ANK2: variants seen among roughly 807,000 people sequenced by gnomAD.
ANK2 encodes the protein ankyrin 2.
A neutral mutation model predicts 360.5 loss-of-function variants in ANK2; 83 were observed. The ratio of observed to expected loss-of-function variants is 0.23; its 90% CI spans 0.19 to 0.28. The LOEUF is 0.28. Ranked by LOEUF, ANK2 falls within the 10% of genes least tolerant of loss-of-function variation. The pLI is 1.00. For synonymous variants in ANK2, 1,740 were observed against 1,759.5 expected (o/e 0.99, Z 0.28); for missense variants, 4,201 against 4,795.7 (o/e 0.88, Z 3.66).
intron 2 of ANK2, among the ~76,000 whole-genome samples, chr4:112,956,704 A>T (rs554278412): frequency 6.6e-6 from 1 of 152,354 alleles, no homozygotes; most frequent in East Asian, 1.9e-4. Context: ...AACTTGATTG[A>T]TTGATGGTAA....
At chr4:113,136,782 A>G (rs2096436620) in intron 1 of ANK2, among the ~76,000 whole-genome samples, 1 of 145,814 alleles carries the variant, frequency 6.9e-6, no homozygotes, top group Non-Finnish European at 1.5e-5. Flanking sequence ...TTTTTGAGAC[A>G]GTTTCATTCT....
At chr4:112,725,497 A>G in the ANK2 span, among the ~76,000 whole-genome samples, 1 of 149,200 alleles carries the variant, frequency 6.7e-6, no homozygotes, top group Non-Finnish European at 1.5e-5. Context: ...AGTAGCTGGG[A>G]CTACAGATGC....
intron 14 of ANK2, among the ~76,000 whole-genome samples, chr4:113,273,306 A>G (rs29399): frequency 0.4 from 61,178 of 152,072 alleles, 13,956 homozygotes; most frequent in African/African-American, 0.6. Context: ...ACTCTGTTAG[A>G]AAGATGGGTC....
At chr4:112,963,672 T>G (rs938477381) in intron 2 of ANK2, among the ~76,000 whole-genome samples, 2 of 152,148 alleles carry the variant, frequency 1.3e-5, no homozygotes, top group Admixed American at 1.3e-4. Context: ...ATAAAGCATT[T>G]GCTAAATTCT....
chr4:112,915,692 C>G (rs2089509141), intron 2 of ANK2, among the ~76,000 whole-genome samples: 1 of 151,034 alleles, frequency 6.6e-6, no homozygotes, highest in Non-Finnish European at 1.5e-5. Context: ...GAGGATGAGG[C>G]TGCAGTAAGT....
chr4:113,293,753 C>T (rs1374433869), intron 22 of ANK2, among the ~76,000 whole-genome samples: 1 of 152,162 alleles, frequency 6.6e-6, no homozygotes, highest in Non-Finnish European at 1.5e-5. Flanking sequence ...AGCATCTATC[C>T]CTATAAAAAT....
intron 9 of ANK2, among the ~76,000 whole-genome samples, chr4:113,245,126 G>T (rs1399895668): frequency 6.6e-6 from 1 of 152,090 alleles, no homozygotes; most frequent in Non-Finnish European, 1.5e-5. Flanking sequence ...TCATCTGTAA[G>T]TAGAAGGATT....
intron 2 of ANK2, among the ~76,000 whole-genome samples, chr4:113,182,766 A>G (rs2098442876): frequency 6.6e-6 from 1 of 152,152 alleles, no homozygotes; most frequent in African/African-American, 2.4e-5. Flanking sequence ...TAAAAGCTGG[A>G]CTGGAGCTCA....
intron 1 of ANK2, among the ~76,000 whole-genome samples, chr4:113,063,093 A>C (rs2074212721): frequency 6.6e-6 from 1 of 152,088 alleles, no homozygotes; most frequent in African/African-American, 2.4e-5. Flanking sequence ...GTTGAATATG[A>C]CATTTAGTAA....
chr4:112,725,584 T>C, the ANK2 span, among the ~76,000 whole-genome samples: 1 of 152,012 alleles, frequency 6.6e-6, no homozygotes, highest in Non-Finnish European at 1.5e-5. Flanking sequence ...GGTCTTGAAC[T>C]CCTGACCTCA....
rs754680934 is a variant in ANK2, at chr4:112,890,556, G to GTTTTTTTTTT, written c.-39-13880_-39-13871dup. Among the ~76,000 whole-genome samples the GTTTTTTTTTT allele has an allele frequency of 4.0e-4, 27 of 67,468 alleles. 3 individuals carry two copies. Among genetic ancestry groups the GTTTTTTTTTT allele is most frequent in the Admixed American group, 6.4e-4 (3 of 4,668 alleles). The allele number at this position is 67,468 out of a possible 152,430, so 44.3% of individuals were successfully genotyped here. ...GGAATTTATGATATACATTTCTGTGGTTTTTTTTTTTTTTTTTTTTTTTTT... is the reference window on the plus strand; with the variant it reads ...GGAATTTATGATATACATTTCTGTGGTTTTTTTTTTTTTTTTTTTTTTTTTTTTTTTTTTT... On this transcript the variant is annotated intron_variant, in intron 1 of 30. Coordinates refer to the ANK2 transcript ENST00000503271.
At chr4:113,308,350 A>T (rs911574866) in intron 23 of ANK2, among the ~76,000 whole-genome samples, 2 of 152,206 alleles carry the variant, frequency 1.3e-5, no homozygotes, top group Non-Finnish European at 2.9e-5. Context: ...GGACATGCTA[A>T]ATCTGAGATG....
At chr4:112,926,631 T>C (rs2092593897) in intron 2 of ANK2, among the ~76,000 whole-genome samples, 1 of 152,212 alleles carries the variant, frequency 6.6e-6, no homozygotes, top group African/African-American at 2.4e-5. Context: ...TTATAACTTG[T>C]AGAGGTAGAT....
In ANK2 at chr4:113,256,431, T is replaced by C. The variant is rs29428; in HGVS notation, c.1188+499T>C. 4.0e-4 allele frequency among the ~76,000 whole-genome samples: 61 copies of C among 152,348 alleles called. No homozygotes were observed. In the East Asian group the frequency reaches 0.01, roughly 25 times the overall value. On this transcript the variant is annotated intron_variant, in intron 11 of 45. Transcript: ENST00000357077. ...CATTGTTGACTTGATTACTCAACCA[T>C]AGGCTAATAGAAAAGTTATGCCTAG...
chr4:113,021,636 G>A (rs1289190235), intron 2 of ANK2, among the ~76,000 whole-genome samples: 1 of 145,838 alleles, frequency 6.9e-6, no homozygotes, highest in East Asian at 2.0e-4. Context: ...GTCTTTATAA[G>A]GAGATAACTT....
intron 26 of ANK2, 48 bp downstream of exon 26, chr4:113,318,668 G>T: frequency 6.7e-7 from 1 of 1,487,652 alleles, no homozygotes; most frequent in South Asian, 1.2e-5. Flanking sequence ...AAAAAGAGAT[G>T]GGAGTGAAAA....
chr4:112,733,769 A>G, the ANK2 span, among the ~76,000 whole-genome samples: 7 of 152,134 alleles, frequency 4.6e-5, no homozygotes, highest in Middle Eastern at 3.4e-3. Flanking sequence ...ACAGAGACCA[A>G]TTTTGTTTGT....
chr4:113,074,578 T>G (rs1318876128), intron 1 of ANK2, among the ~76,000 whole-genome samples: 1 of 152,158 alleles, frequency 6.6e-6, no homozygotes, highest in African/African-American at 2.4e-5. Context: ...GTATGATGAT[T>G]TAAAAGGAGA....
chr4:113,305,339 C>CAAAAAAAA (rs10667489), intron 23 of ANK2, among the ~76,000 whole-genome samples: 14 of 96,956 alleles, frequency 1.4e-4, no homozygotes, highest in African/African-American at 5.0e-4. Context: ...GACTCCGTCT[C>CAAAAAAAA]AAAAAAAAAA....
Sources: allele counts gnomAD v4.1 joint callset (sites outside exome capture counted in the v4.1 genomes callset), GRCh38; gene constraint gnomAD v4.1.1; transcripts MANE v1.5; gene names NCBI Gene and HGNC (gene_info 2026-07-23, HGNC 2026-07-21).